Variants in TULP4 observed in about 807,000 individuals in gnomAD.
TULP4 encodes the protein TUB like protein 4.
In TULP4, 16 loss-of-function variants were observed where a neutral mutation model predicts 129.0. The ratio of observed to expected loss-of-function variants is 0.12; its 90% CI spans 0.08 to 0.19. TULP4 has a LOEUF of 0.19. TULP4 is among the 10% of genes least tolerant of loss of function. The pLI, the probability that TULP4 is intolerant of heterozygous loss-of-function variation, is 1.00. For missense variants in TULP4, 1,842 were observed against 2,059.1 expected (o/e 0.89, Z 2.04); for synonymous variants, 998 against 854.0 (o/e 1.17, Z -2.94).
intron 1 of TULP4, among the ~76,000 whole-genome samples, chr6:158,380,848 C>G (rs1357733475): frequency 6.9e-6 from 1 of 145,754 alleles, no homozygotes; most frequent in Non-Finnish European, 1.5e-5. Flanking sequence ...GAGCCGAGAC[C>G]ACGCCACTGC....
At chr6:158,384,986 A>G (rs999434306) in intron 1 of TULP4, among the ~76,000 whole-genome samples, 2 of 152,210 alleles carry the variant, frequency 1.3e-5, no homozygotes, top group Non-Finnish European at 2.9e-5. Context: ...CTATCTCCCA[A>G]TCCCAAAGTC....
At chr6:158,439,543 C>A (rs1005914579) in intron 3 of TULP4, among the ~76,000 whole-genome samples, 3 of 152,030 alleles carry the variant, frequency 2.0e-5, no homozygotes, top group African/African-American at 7.2e-5. Flanking sequence ...TTCCAGGAGC[C>A]TGCTGGTTTT....
intron 1 of TULP4, among the ~76,000 whole-genome samples, chr6:158,349,462 C>G (rs1382606351): frequency 4.2e-5 from 6 of 143,732 alleles, no homozygotes; most frequent in African/African-American, 1.5e-4. Context: ...AGAGGCGCTC[C>G]TCACCTCCCA....
rs1195066603 is a variant in TULP4, at chr6:158,506,823, G to A, written c.*129G>A. On this transcript the variant is annotated 3_prime_UTR_variant, in exon 14 of 14. Transcript: ENST00000367097. ...GCCAACAGCAAAACTGGAAAAGCCC[G>A]GCAGGCCCAGGAGAGGGCGCTGACC... 1.2e-5 allele frequency: 8 copies of A among 663,092 alleles called. No individual in the cohort carries two copies. Among genetic ancestry groups the A allele is most frequent in the Middle Eastern group, 2.7e-4 (1 of 3,676 alleles). The allele number at this position is 663,092 out of a possible 1,614,324, so 41.1% of individuals were successfully genotyped here. A position where few individuals can be genotyped will look rare whatever the true frequency, so the allele number is the denominator to read the frequency against.
intron 2 of TULP4, among the ~76,000 whole-genome samples, chr6:158,426,110 A>G (rs1321281719): frequency 2.0e-5 from 3 of 152,160 alleles, no homozygotes; most frequent in Non-Finnish European, 1.5e-5. Context: ...ATCCTTATAG[A>G]TGCTGTATAT....
At chr6:158,289,399 A>G (rs1191736696) in intron 1 of TULP4, among the ~76,000 whole-genome samples, 1 of 151,312 alleles carries the variant, frequency 6.6e-6, no homozygotes, top group Non-Finnish European at 1.5e-5. Context: ...CTTTTTATTT[A>G]TTTAATTTCT....
intron 1 of TULP4, among the ~76,000 whole-genome samples, chr6:158,326,018 C>T (rs1443261739): frequency 4.6e-5 from 7 of 151,448 alleles, no homozygotes; most frequent in African/African-American, 1.7e-4. Flanking sequence ...AGATTTAGCA[C>T]TCTTCTCTTT....
At chr6:158,361,762 A>G (rs981448450) in intron 1 of TULP4, among the ~76,000 whole-genome samples, 3 of 152,208 alleles carry the variant, frequency 2.0e-5, no homozygotes, top group Non-Finnish European at 4.4e-5. Context: ...ATCTCTTGGC[A>G]TCTGAGGAGC....
At chr6:158,247,142 G>A (rs1018808409) in intron 1 of TULP4, among the ~76,000 whole-genome samples, 1 of 152,034 alleles carries the variant, frequency 6.6e-6, no homozygotes, top group African/African-American at 2.4e-5. Context: ...TGTTACATGG[G>A]GTATTAGGTT....
intron 6 of TULP4, among the ~76,000 whole-genome samples, chr6:158,470,137 A>G (rs925556283): frequency 6.6e-6 from 1 of 152,210 alleles, no homozygotes; most frequent in African/African-American, 2.4e-5. Context: ...GAACAATGGC[A>G]AGCCTTTAGC....
At chr6:158,334,274 T>C (rs993394261) in intron 1 of TULP4, among the ~76,000 whole-genome samples, 3 of 152,204 alleles carry the variant, frequency 2.0e-5, no homozygotes, top group Admixed American at 6.5e-5. Flanking sequence ...TGATAGGTGC[T>C]GGAGACAGGT....
chr6:158,428,472 G>A (rs1778554375), intron 2 of TULP4: 1 of 152,098 alleles, frequency 6.6e-6, no homozygotes, highest in South Asian at 2.1e-4. Flanking sequence ...GACTCTGGTA[G>A]GTATGCAAGA....
At chr6:158,480,633 C>G (rs1045107744) in intron 7 of TULP4, among the ~76,000 whole-genome samples, 5 of 152,200 alleles carry the variant, frequency 3.3e-5, no homozygotes, top group African/African-American at 1.2e-4. Flanking sequence ...TTCTGAGTAG[C>G]AGACCCATTT....
chr6:158,271,383 C>T (rs941344258), intron 1 of TULP4, among the ~76,000 whole-genome samples: 1 of 151,960 alleles, frequency 6.6e-6, no homozygotes, highest in Admixed American at 6.6e-5. Flanking sequence ...ATCTAACTCT[C>T]ACAGGCTTTG....
intron 11 of TULP4, among the ~76,000 whole-genome samples, chr6:158,495,111 AG>A (rs1780303893): frequency 6.6e-6 from 1 of 151,496 alleles, no homozygotes; most frequent in South Asian, 2.1e-4. Flanking sequence ...GCTGGAGTAT[AG>A]TGACACGATC....
intron 1 of TULP4, among the ~76,000 whole-genome samples, chr6:158,270,386 A>T (rs1177350642): frequency 6.6e-6 from 1 of 152,106 alleles, no homozygotes; most frequent in Non-Finnish European, 1.5e-5. Context: ...TTGGCTCTTG[A>T]TTACAGGATT....
chr6:158,390,809 A>T (rs762700439), intron 1 of TULP4, among the ~76,000 whole-genome samples: 3 of 152,218 alleles, frequency 2.0e-5, no homozygotes, highest in Non-Finnish European at 2.9e-5. Context: ...GTTTGTTTTA[A>T]AATAGGAATA....
At chr6:158,401,162 A>G (rs1238189919) in intron 1 of TULP4, among the ~76,000 whole-genome samples, 2 of 152,002 alleles carry the variant, frequency 1.3e-5, no homozygotes, top group Non-Finnish European at 2.9e-5. Context: ...CAGCCTGGAC[A>G]TCATGAGCTC....
intron 1 of TULP4, among the ~76,000 whole-genome samples, chr6:158,401,657 G>A (rs963576518): frequency 1.3e-5 from 2 of 152,180 alleles, no homozygotes; most frequent in African/African-American, 2.4e-5. Context: ...CATGTGGCAG[G>A]TAGAGTCAGC....
Sources: allele counts gnomAD v4.1 joint callset (sites outside exome capture counted in the v4.1 genomes callset), GRCh38; gene constraint gnomAD v4.1.1; transcripts MANE v1.5; gene names NCBI Gene and HGNC (gene_info 2026-07-23, HGNC 2026-07-21).